SNX2: variants seen among roughly 807,000 people sequenced by gnomAD.
The protein encoded by SNX2 is sorting nexin-2.
In SNX2, 25 loss-of-function variants were observed where a neutral mutation model predicts 69.9. The observed-to-expected ratio is 0.36, with a 90% CI of 0.26 to 0.50. The LOEUF is 0.50. Ranked by LOEUF, SNX2 falls within the 20% of genes least tolerant of loss-of-function variation. The pLI is 0.97. For synonymous variants in SNX2, 229 were observed against 200.4 expected (o/e 1.14, Z -1.20); for missense variants, 551 against 613.3 (o/e 0.90, Z 1.07).
At chr5:122,809,386 A>C (rs1753720829) in intron 7 of SNX2, among the ~76,000 whole-genome samples, 1 of 152,226 alleles carries the variant, frequency 6.6e-6, no homozygotes, top group Admixed American at 6.5e-5. Context: ...TTGACTCTAC[A>C]CATTTCCTAT....
chr5:122,775,380 T>C lies in SNX2; in HGVS notation c.108+169T>C, dbSNP rs138664273. 883 of 1,337,370 alleles carry C rather than the reference T, an allele frequency of 6.6e-4. 6 individuals carry two copies. The African/African-American group carries it at 0.012, about 18-fold the overall frequency. The allele number at this position is 1,337,370 out of a possible 1,614,324, so 82.8% of individuals were successfully genotyped here. A position where few individuals can be genotyped will look rare whatever the true frequency, so the allele number is the denominator to read the frequency against. ...GCCTGTCAGAGGGATGTGCTTGGGC[T>C]GAGCGCAGGGCCTCCTCAGGAGAGC... On this transcript the variant is annotated intron_variant, in intron 1 of 14. Coordinates refer to ENST00000379516, the MANE Select transcript of SNX2 (RefSeq NM_003100.4).
intron 7 of SNX2, among the ~76,000 whole-genome samples, chr5:122,808,973 TTA>T (rs1483178610): frequency 6.6e-6 from 1 of 152,136 alleles, no homozygotes; most frequent in African/African-American, 2.4e-5. Context: ...TACAAAAGTA[TTA>T]GTCTTTGCTT....
Position 122,821,547 on chromosome 5 carries a change from C to T in SNX2, c.1212+2524C>T, listed in dbSNP as rs571553422. Among the ~76,000 whole-genome samples, 341 of 152,086 alleles carry T rather than the reference C, an allele frequency of 2.2e-3. 2 individuals carry two copies. Among genetic ancestry groups the T allele is most frequent in the African/African-American group, 7.9e-3 (327 of 41,492 alleles). On this transcript the variant is annotated intron_variant, in intron 11 of 14. Transcript: ENST00000379516. ...TTCGGCTCATTGCAGGCTCCGCCTC[C>T]GGGTTCATGCCATTCTCCTGCCTCA... is the stretch of plus-strand genomic sequence containing the variant.
chr5:122,775,092 G>T lies in SNX2; in HGVS notation c.-12G>T. The T allele has an allele frequency of 6.3e-7, 1 of 1,576,596 alleles. No individual in the cohort carries two copies. Among genetic ancestry groups the T allele is most frequent in the South Asian group, 1.2e-5 (1 of 85,644 alleles). ...CGAGGCCCAGCTCGCGCAGTCGTTC[G>T]GGTGAGCGAAGATGGCGGCCGAGAG... On this transcript the variant is annotated 5_prime_UTR_variant, in exon 1 of 15. Coordinates refer to ENST00000379516, the MANE Select transcript of SNX2 (RefSeq NM_003100.4).
At chr5:122,815,657 T>G in intron 7 of SNX2, 1 of 285,284 alleles carries the variant, frequency 3.5e-6, no homozygotes, top group South Asian at 9.5e-5. Flanking sequence ...CTCCCACCCC[T>G]TGCCATTTCT....
chr5:122,824,495 A>G (rs932771201), intron 11 of SNX2, among the ~76,000 whole-genome samples: 5 of 152,232 alleles, frequency 3.3e-5, no homozygotes, highest in African/African-American at 1.2e-4. Context: ...AGATTCACTT[A>G]ATAATGTAAG....
chr5:122,820,630 T>G (rs1754002642), intron 11 of SNX2, among the ~76,000 whole-genome samples: 1 of 152,158 alleles, frequency 6.6e-6, no homozygotes, highest in African/African-American at 2.4e-5. Context: ...TATTGATCCC[T>G]CAAAAATAGC....
intron 7 of SNX2, chr5:122,808,693 A>T (rs904236927): frequency 6.1e-6 from 1 of 163,614 alleles, no homozygotes; most frequent in African/African-American, 2.4e-5. Context: ...ACCAAGAGTT[A>T]CTAAGAAACT....
At chr5:122,799,627 G>C (rs1753462688) in intron 2 of SNX2, 65 bp from the exon 3 acceptor site, 2 of 1,034,104 alleles carry the variant, frequency 1.9e-6, no homozygotes, top group Non-Finnish European at 2.8e-6. Flanking sequence ...TCCATTAACT[G>C]CTATGTAGAA....
chr5:122,818,198 A>C (rs1753944279), intron 10 of SNX2, among the ~76,000 whole-genome samples: 2 of 152,152 alleles, frequency 1.3e-5, no homozygotes, highest in Admixed American at 6.5e-5. Flanking sequence ...TGTAATTGTT[A>C]GTCATTGACA....
Position 122,799,663 on chromosome 5 carries a change from C to T in SNX2, c.227-29C>T, listed in dbSNP as rs181301809. 135 of 1,581,838 alleles carry T rather than the reference C, an allele frequency of 8.5e-5. No homozygotes were observed. The East Asian group carries it at 3.0e-3, about 36-fold the overall frequency. ...TATTGGGGGTTTGCTTGCCAGTGTT[C>T]TTAACTAACTTGTTTAATCTATGTC... On this transcript the variant is annotated intron_variant, in intron 2 of 14. Coordinates refer to ENST00000379516, the MANE Select transcript of SNX2 (RefSeq NM_003100.4).
At chr5:122,795,608 A>T (rs1753359376) in intron 2 of SNX2, 1 of 395,456 alleles carries the variant, frequency 2.5e-6, no homozygotes, top group Non-Finnish European at 4.5e-6. Flanking sequence ...TTTGAGAATA[A>T]ATTGTATATT....
At chr5:122,782,453 G>T (rs1216564459) in intron 1 of SNX2, among the ~76,000 whole-genome samples, 1 of 151,994 alleles carries the variant, frequency 6.6e-6, no homozygotes, top group Non-Finnish European at 1.5e-5. Flanking sequence ...TATCCAGGTT[G>T]TTCTCGAACT....
At chr5:122,817,464 A>G in intron 10 of SNX2, 91 bp downstream of exon 10, 1 of 785,784 alleles carries the variant, frequency 1.3e-6, no homozygotes, top group Non-Finnish European at 1.9e-6. Context: ...TTCTGAAGTT[A>G]TTGCAGAAGA....
At chr5:122,794,298 G>A (rs901785520) in intron 1 of SNX2, among the ~76,000 whole-genome samples, 3 of 151,804 alleles carry the variant, frequency 2.0e-5, no homozygotes, top group African/African-American at 7.3e-5. Flanking sequence ...GCAATAGAAT[G>A]AGACTGTGTC....
At chr5:122,805,423 C>A (rs1409629731) in intron 6 of SNX2, among the ~76,000 whole-genome samples, 1 of 152,006 alleles carries the variant, frequency 6.6e-6, no homozygotes, top group Non-Finnish European at 1.5e-5. Flanking sequence ...CCATGCTCAG[C>A]CAAATTTTGC....
At chr5:122,783,446 T>C (rs759729291) in intron 1 of SNX2, among the ~76,000 whole-genome samples, 2 of 152,230 alleles carry the variant, frequency 1.3e-5, no homozygotes, top group Non-Finnish European at 2.9e-5. Context: ...TTTTACATTG[T>C]ACATTTAGGA....
intron 1 of SNX2, among the ~76,000 whole-genome samples, chr5:122,793,933 A>T (rs1283617141): frequency 6.7e-6 from 1 of 149,638 alleles, no homozygotes; most frequent in African/African-American, 2.5e-5. Flanking sequence ...AAAAAAAAAG[A>T]CCTGGTTTTA....
intron 1 of SNX2, among the ~76,000 whole-genome samples, chr5:122,787,523 A>C (rs72794688): frequency 0.21 from 31,884 of 149,018 alleles, 3,774 homozygotes; most frequent in East Asian, 0.47. Context: ...GTCCCCCCCC[A>C]AAAAAAAAAG....
Sources: gnomAD v4.1 joint callset for allele counts (sites outside exome capture counted in the v4.1 genomes callset) on GRCh38, gnomAD v4.1.1 for gene constraint, MANE v1.5 for transcripts, NCBI Gene and HGNC (gene_info 2026-07-23, HGNC 2026-07-21) for gene names.